The following TMEM263 variants were observed in gnomAD, a reference collection of about 807,000 sequenced individuals.
The protein encoded by TMEM263 is UPF0444 transmembrane protein C12orf23.
In TMEM263, 5 loss-of-function variants were observed where a neutral mutation model predicts 8.6. The ratio of observed to expected loss-of-function variants is 0.58; its 90% CI spans 0.31 to 1.23. TMEM263 has a LOEUF of 1.23. TMEM263 is among the 50% of genes most tolerant of loss of function. The pLI is 0.07. For missense variants in TMEM263, 104 were observed against 138.8 expected, an observed-to-expected ratio of 0.75 and a Z score of 1.26; for synonymous variants, 50 against 47.9, an observed-to-expected ratio of 1.04 and a Z score of -0.18.
intron 3 of TMEM263, among the ~76,000 whole-genome samples, chr12:106,969,909 CTT>C (rs1951897869): frequency 6.6e-6 from 1 of 150,834 alleles, no homozygotes; most frequent in Non-Finnish European, 1.5e-5. Context: ...AAACTCATGA[CTT>C]AGAGCTTAAT....
Position 106,957,142 on chromosome 12 carries a change from A to G in TMEM263, c.-14A>G, listed in dbSNP as rs915534614. On this transcript the variant is annotated 5_prime_UTR_variant, in exon 2 of 4. Transcript: ENST00000280756. ...GGTTCCCCAGGAATATCGATACAAC[A>G]CCAACAGGTAAACGCGCGCGCCCGT... 1.0e-6 allele frequency: 1 copy of G among 984,318 alleles called. No homozygotes were observed. The highest frequency in any genetic ancestry group is 6.2e-5 in the Admixed American group (1 of 16,228). The allele number at this position is 984,318 out of a possible 1,614,324, so 61.0% of individuals were successfully genotyped here. A position where few individuals can be genotyped will look rare whatever the true frequency, so the allele number is the denominator to read the frequency against.
At chr12:106,965,956 C>A (rs1163122466) in intron 2 of TMEM263, among the ~76,000 whole-genome samples, 1 of 151,884 alleles carries the variant, frequency 6.6e-6, no homozygotes, top group African/African-American at 2.4e-5. Flanking sequence ...TAAGGACTTT[C>A]TCAGATAGAA....
chr12:106,960,615 G>A (rs553984939), intron 2 of TMEM263, among the ~76,000 whole-genome samples: 14 of 152,192 alleles, frequency 9.2e-5, no homozygotes, highest in Non-Finnish European at 1.6e-4. Context: ...CATGGTGGGC[G>A]TGGGAGTGGG....
chr12:106,970,532 G>T (rs1360226519), intron 3 of TMEM263, among the ~76,000 whole-genome samples: 2 of 152,114 alleles, frequency 1.3e-5, no homozygotes, highest in Non-Finnish European at 2.9e-5. Flanking sequence ...ACATCATTCT[G>T]CTTCTGGAAA....
At chr12:106,969,545 T>C (rs1458700729) in intron 3 of TMEM263, among the ~76,000 whole-genome samples, 1 of 151,920 alleles carries the variant, frequency 6.6e-6, no homozygotes, top group Non-Finnish European at 1.5e-5. Flanking sequence ...ACTAACACGG[T>C]GAAACCCTGT....
In TMEM263 at chr12:106,955,912, C is replaced by T; in HGVS notation, c.-228C>T. On this transcript the variant is annotated 5_prime_UTR_variant, in exon 1 of 4. Coordinates refer to ENST00000280756, the MANE Select transcript of TMEM263 (RefSeq NM_152261.4). ...CCGCCTCCACCACCGCCGCCACAGTCTTCCAGCTCCACATCCTGAGAGGAC... is the reference window on the plus strand; with the variant it reads ...CCGCCTCCACCACCGCCGCCACAGTTTTCCAGCTCCACATCCTGAGAGGAC... 2.0e-6 allele frequency: 2 copies of T among 985,716 alleles called. No homozygotes were observed. Among genetic ancestry groups the T allele is most frequent in the South Asian group, 9.4e-5 (2 of 21,298 alleles). 61.1% of individuals were successfully genotyped at this position (985,716 alleles called of 1,614,324 possible).
chr12:106,970,492 G>A (rs1951905350), intron 3 of TMEM263, among the ~76,000 whole-genome samples: 1 of 152,170 alleles, frequency 6.6e-6, no homozygotes, highest in Admixed American at 6.5e-5. Flanking sequence ...CATTCTTGCA[G>A]CTGCTTCTGC....
Position 106,967,098 on chromosome 12 carries a change from G to T in TMEM263, c.-6-13G>T. 2 of 1,314,776 alleles carry T rather than the reference G, an allele frequency of 1.5e-6. No individual in the cohort carries two copies. The highest frequency in any genetic ancestry group is 1.4e-5 in the South Asian group (1 of 70,250). 81.4% of individuals were successfully genotyped at this position (1,314,776 alleles called of 1,614,324 possible). On this transcript the variant is annotated splice_polypyrimidine_tract_variant and intron_variant, in intron 2 of 3. Coordinates refer to ENST00000280756, the MANE Select transcript of TMEM263 (RefSeq NM_152261.4). ...AGGTTAAAATGAAATGTGTTTGTATGTTTTTTTTTTAGGAGATCATGAATC... is the reference window on the plus strand; with the variant it reads ...AGGTTAAAATGAAATGTGTTTGTATTTTTTTTTTTTAGGAGATCATGAATC...
intron 2 of TMEM263, 96 bp downstream of exon 2, chr12:106,957,245 T>C (rs1351634130): frequency 1.4e-5 from 12 of 877,928 alleles, no homozygotes; most frequent in Non-Finnish European, 1.6e-5. Flanking sequence ...TGCTTAACTT[T>C]TTAAAAAGAA....
intron 2 of TMEM263, among the ~76,000 whole-genome samples, chr12:106,966,443 T>G (rs976391649): frequency 3.3e-5 from 5 of 152,256 alleles, no homozygotes; most frequent in Admixed American, 2.6e-4. Context: ...AGTACTGTGA[T>G]GAACATAACA....
Position 106,971,135 on chromosome 12 carries a change from C to T in TMEM263, c.95C>T (p.Pro32Leu). ...ATGAAAGATCACCCACAGCAGCAGC[C>T]AGGCATGTTGTCCCGTGTGACTGGG... ...GSMKDHPQQQ[P>L]GMLSRVTGGI... is the part of the protein sequence containing the mutation. Residue 32 changes from proline to leucine, a missense_variant, in exon 4 of 4, where the codon CCA becomes CTA. Coordinates refer to ENST00000280756, the MANE Select transcript of TMEM263 (RefSeq NM_152261.4). 1 of 1,614,176 alleles carries T rather than the reference C, an allele frequency of 6.2e-7. No homozygotes were observed. The highest frequency in any genetic ancestry group is 8.5e-7 in the Non-Finnish European group (1 of 1,180,034).
intron 2 of TMEM263, among the ~76,000 whole-genome samples, chr12:106,963,028 T>C (rs1181828971): frequency 1.3e-5 from 2 of 152,194 alleles, no homozygotes; most frequent in Non-Finnish European, 2.9e-5. Context: ...TCATCTATTA[T>C]AAGGTGGTCA....
At chr12:106,970,742 C>G (rs562091812) in intron 3 of TMEM263, among the ~76,000 whole-genome samples, 21 of 152,242 alleles carry the variant, frequency 1.4e-4, no homozygotes, top group African/African-American at 4.8e-4. Context: ...GAAATGAAGG[C>G]CAAATGTAGT....
chr12:106,965,691 A>C (rs1448355741), intron 2 of TMEM263, among the ~76,000 whole-genome samples: 3 of 151,728 alleles, frequency 2.0e-5, no homozygotes, highest in Non-Finnish European at 4.4e-5. Flanking sequence ...AATACCACTG[A>C]CATATAGTCC....
At chr12:106,968,079 A>G (rs1214996150) in intron 3 of TMEM263, among the ~76,000 whole-genome samples, 2 of 152,156 alleles carry the variant, frequency 1.3e-5, no homozygotes, top group Non-Finnish European at 2.9e-5. Flanking sequence ...TTTTTGGTAT[A>G]GACTGTTACT....
intron 2 of TMEM263, among the ~76,000 whole-genome samples, chr12:106,962,217 A>G (rs917800600): frequency 6.9e-6 from 1 of 144,772 alleles, no homozygotes; most frequent in African/African-American, 2.5e-5. Flanking sequence ...TGTATTTCTA[A>G]CCCCCCCCGC....
At chr12:106,961,223 AATTTT>A (rs1951772691) in intron 2 of TMEM263, among the ~76,000 whole-genome samples, 2 of 96,678 alleles carry the variant, frequency 2.1e-5, no homozygotes, top group African/African-American at 8.5e-5. Flanking sequence ...GTGCCCAGTC[AATTTT>A]TTTTTTTTTT....
At chr12:106,965,122 C>T (rs191417869) in intron 2 of TMEM263, among the ~76,000 whole-genome samples, 9 of 152,300 alleles carry the variant, frequency 5.9e-5, no homozygotes, top group Admixed American at 3.9e-4. Flanking sequence ...GCCCTTGATG[C>T]GACCCTGCCA....
In TMEM263 at chr12:106,955,960, G is replaced by C; in HGVS notation, c.-180G>C. The C allele has an allele frequency of 1.0e-5, 10 of 986,456 alleles. No individual in the cohort carries two copies. In the South Asian group the frequency reaches 1.4e-4, roughly 14 times the overall value. 61.1% of individuals were successfully genotyped at this position (986,456 alleles called of 1,614,324 possible). A position where few individuals can be genotyped will look rare whatever the true frequency, so the allele number is the denominator to read the frequency against. On this transcript the variant is annotated 5_prime_UTR_variant, in exon 1 of 4. Coordinates refer to ENST00000280756, the MANE Select transcript of TMEM263 (RefSeq NM_152261.4). ...GACGCCTCTGGAGCCGCGACTGCCC[G>C]GGGTTGTGCCGGCCGCCGCTGCCGC...
Sources: gnomAD v4.1 joint callset for allele counts (sites outside exome capture counted in the v4.1 genomes callset) on GRCh38, gnomAD v4.1.1 for gene constraint, MANE v1.5 for transcripts, NCBI Gene and HGNC (gene_info 2026-07-23, HGNC 2026-07-21) for gene names.